Variants in SLC30A8 observed in about 807,000 individuals in gnomAD.
SLC30A8 encodes proton-coupled zinc antiporter SLC30A8.
Under a neutral mutation model 36.9 loss-of-function variants are expected in SLC30A8, and 27 were observed. The ratio of observed to expected loss-of-function variants is 0.73; its 90% CI spans 0.54 to 1.01. SLC30A8 has a LOEUF of 1.01. SLC30A8 is among the 50% of genes least tolerant of loss of function. The probability of loss-of-function intolerance (pLI) is 0.00; values close to 1 mark genes in which losing one functional copy is unlikely to be tolerated. For missense variants in SLC30A8, 439 were observed against 452.0 expected (o/e 0.97, Z 0.26); for synonymous variants, 164 against 172.4 (o/e 0.95, Z 0.38).
intron 1 of SLC30A8, among the ~76,000 whole-genome samples, chr8:117,026,770 A>G (rs1468160812): frequency 6.6e-6 from 1 of 152,162 alleles, no homozygotes; most frequent in Non-Finnish European, 1.5e-5. Context: ...GCCAGGCCCT[A>G]TGCTATGCAA....
intron 2 of SLC30A8, among the ~76,000 whole-genome samples, chr8:117,110,366 G>T (rs934628957): frequency 6.6e-6 from 1 of 152,152 alleles, no homozygotes; most frequent in African/African-American, 2.4e-5. Flanking sequence ...CAGCCCTGTG[G>T]GTGTAAGTGC....
intron 2 of SLC30A8, among the ~76,000 whole-genome samples, chr8:117,079,421 G>A (rs1818591891): frequency 6.6e-6 from 1 of 152,100 alleles, no homozygotes; most frequent in South Asian, 2.1e-4. Context: ...CACATATCTA[G>A]CACCTCCACC....
At chr8:116,993,482 A>G (rs892763090) in intron 1 of SLC30A8, among the ~76,000 whole-genome samples, 3 of 152,100 alleles carry the variant, frequency 2.0e-5, no homozygotes, top group Non-Finnish European at 4.4e-5. Flanking sequence ...CTGACATGCA[A>G]AGATGCAGGA....
chr8:117,133,406 A>G (rs1821216517), upstream of SLC30A8, among the ~76,000 whole-genome samples: 1 of 152,000 alleles, frequency 6.6e-6, no homozygotes, highest in South Asian at 2.1e-4. Flanking sequence ...TTATGTATGT[A>G]TGTATGTCAA....
intron 2 of SLC30A8, among the ~76,000 whole-genome samples, chr8:117,064,104 G>T (rs1162583225): frequency 6.6e-6 from 1 of 152,016 alleles, no homozygotes; most frequent in Non-Finnish European, 1.5e-5. Context: ...TGATTCTCCA[G>T]CCTCAGCCTC....
chr8:116,969,577 C>T (rs773039346), intron 1 of SLC30A8, among the ~76,000 whole-genome samples: 4 of 152,106 alleles, frequency 2.6e-5, no homozygotes, highest in African/African-American at 7.2e-5. Flanking sequence ...TTTGTCATTG[C>T]GCAGACCTCA....
At chr8:116,965,343 T>C (rs1356896726) in intron 1 of SLC30A8, among the ~76,000 whole-genome samples, 2 of 152,210 alleles carry the variant, frequency 1.3e-5, no homozygotes, top group African/African-American at 2.4e-5. Context: ...TTCTAAAGCC[T>C]GAGATCTTGC....
intron 2 of SLC30A8, among the ~76,000 whole-genome samples, chr8:117,062,178 CAGTCTT>C (rs747007767): frequency 6.6e-6 from 1 of 152,186 alleles, no homozygotes; most frequent in Non-Finnish European, 1.5e-5. Context: ...GGGACAGAGG[CAGTCTT>C]AGTCCAATGC....
chr8:116,991,339 C>G (rs187185826), intron 1 of SLC30A8, among the ~76,000 whole-genome samples: 25 of 150,956 alleles, frequency 1.7e-4, no homozygotes, highest in Non-Finnish European at 2.8e-4. Context: ...CAGTTTTACT[C>G]TTCTCACCCA....
At chr8:117,082,678 A>G (rs1182825743) in intron 2 of SLC30A8, among the ~76,000 whole-genome samples, 1 of 152,228 alleles carries the variant, frequency 6.6e-6, no homozygotes, top group African/African-American at 2.4e-5. Flanking sequence ...CTGAATCAAC[A>G]GAGAGGACTG....
At chr8:117,166,966 G>A (rs901350622) in intron 6 of SLC30A8, among the ~76,000 whole-genome samples, 1 of 151,924 alleles carries the variant, frequency 6.6e-6, no homozygotes, top group Middle Eastern at 3.4e-3. Flanking sequence ...GGAGTCAAAT[G>A]TCACAGAGTA....
chr8:116,994,227 C>A (rs1815740727), intron 1 of SLC30A8, among the ~76,000 whole-genome samples: 1 of 151,988 alleles, frequency 6.6e-6, no homozygotes, highest in Admixed American at 6.6e-5. Flanking sequence ...CTGGTGCAAC[C>A]ACTTAGGAAA....
Position 117,146,975 on chromosome 8 carries a change from G to C in SLC30A8, c.93G>C (p.Pro31=), listed in dbSNP as rs751667454. The part of the protein sequence containing the change: ...TLESVELQQK[P]VNKDQCPRER... ...ATAGTGTGGAACTCCAACAGAAACC[G>C]GTGAATAAAGATCAGTGTCCCAGAG... is the stretch of plus-strand genomic sequence containing the variant. The change falls in exon 2 of 8, where the codon CCG becomes CCC. Residue 31 remains proline, a synonymous_variant. Coordinates refer to ENST00000456015, the MANE Select transcript of SLC30A8 (RefSeq NM_173851.3). 1.9e-6 allele frequency: 3 copies of C among 1,613,844 alleles called. No homozygotes were observed. The Admixed American group carries it at 5.0e-5, about 27-fold the overall frequency.
chr8:116,959,814 C>T (rs1443418155), intron 1 of SLC30A8, among the ~76,000 whole-genome samples: 3 of 152,132 alleles, frequency 2.0e-5, no homozygotes, highest in Admixed American at 2.0e-4. Flanking sequence ...TTCCTTTAGC[C>T]CTTTCAGATC....
chr8:117,156,771 T>A (rs1340319072), intron 3 of SLC30A8, among the ~76,000 whole-genome samples: 1 of 152,222 alleles, frequency 6.6e-6, no homozygotes, highest in Non-Finnish European at 1.5e-5. Context: ...AGGTAGCATG[T>A]GGATTTGGAA....
chr8:117,001,642 C>G (rs1265239567), intron 1 of SLC30A8, among the ~76,000 whole-genome samples: 1 of 152,064 alleles, frequency 6.6e-6, no homozygotes, highest in Admixed American at 6.5e-5. Flanking sequence ...AGCTTTGAAA[C>G]TGGGCTAAGA....
At chr8:117,027,813 T>G (rs1313128934) in intron 1 of SLC30A8, among the ~76,000 whole-genome samples, 1 of 152,176 alleles carries the variant, frequency 6.6e-6, no homozygotes, top group Non-Finnish European at 1.5e-5. Context: ...TTGGAGAAGG[T>G]GTAAGTTTTG....
At chr8:117,139,533 G>A (rs1821544014) in intron 1 of SLC30A8, among the ~76,000 whole-genome samples, 1 of 152,034 alleles carries the variant, frequency 6.6e-6, no homozygotes, top group African/African-American at 2.4e-5. Context: ...CACAGTCTGT[G>A]GTATGTTGTT....
chr8:117,004,886 T>C (rs528505843), intron 1 of SLC30A8, among the ~76,000 whole-genome samples: 4 of 152,188 alleles, frequency 2.6e-5, no homozygotes, highest in East Asian at 3.9e-4. Flanking sequence ...AATAAGAGCA[T>C]TTTTTGCAAA....
Sources: allele counts gnomAD v4.1 joint callset (sites outside exome capture counted in the v4.1 genomes callset), GRCh38; gene constraint gnomAD v4.1.1; transcripts MANE v1.5; gene names NCBI Gene and HGNC (gene_info 2026-07-23, HGNC 2026-07-21).